Variants in GRID2 observed in about 807,000 individuals in gnomAD.
The protein encoded by GRID2 is glutamate receptor ionotropic, delta-2.
Under a neutral mutation model 114.8 loss-of-function variants are expected in GRID2, and 33 were observed. The ratio of observed to expected loss-of-function variants is 0.29; its 90% CI spans 0.22 to 0.38. GRID2 has a LOEUF of 0.38. Among genes scored for constraint, GRID2 ranks in the 10% least tolerant of loss-of-function variants. GRID2 has a pLI of 1.00. For synonymous variants in GRID2, 505 were observed against 449.9 expected, an observed-to-expected ratio of 1.12 and a Z score of -1.55; for missense variants, 1,184 against 1,257.7, an observed-to-expected ratio of 0.94 and a Z score of 0.89.
chr4:92,543,395 C>A (rs1297052918), intron 1 of GRID2, among the ~76,000 whole-genome samples: 1 of 152,028 alleles, frequency 6.6e-6, no homozygotes, highest in African/African-American at 2.4e-5. Context: ...ATAGTAAGTG[C>A]TAAGTTCTAT....
In GRID2 at chr4:93,597,810, C is replaced by T. The variant is rs138222479; in HGVS notation, c.2194-28459C>T. Among the ~76,000 whole-genome samples, 84 of 152,344 alleles carry T rather than the reference C, an allele frequency of 5.5e-4. 1 individual carries two copies. The highest frequency in any genetic ancestry group is 2.0e-3 in the African/African-American group (84 of 41,598). Reference sequence around the variant, plus strand: ...AATCCTTGCCTACATACCTACCTTACAACCAAATGTTAGTCACTTAGTTCC... The same window carrying T: ...AATCCTTGCCTACATACCTACCTTATAACCAAATGTTAGTCACTTAGTTCC... On this transcript the variant is annotated intron_variant, in intron 13 of 15. Coordinates refer to ENST00000282020, the MANE Select transcript of GRID2 (RefSeq NM_001510.4).
At chr4:92,746,913 A>G (rs1306304210) in intron 2 of GRID2, among the ~76,000 whole-genome samples, 1 of 152,082 alleles carries the variant, frequency 6.6e-6, no homozygotes, top group Non-Finnish European at 1.5e-5. Context: ...AGAAATCTTC[A>G]CCAATTAGGT....
At chr4:93,756,250 AT>A (rs1732738266) in intron 14 of GRID2, among the ~76,000 whole-genome samples, 2 of 152,214 alleles carry the variant, frequency 1.3e-5, no homozygotes, top group South Asian at 4.1e-4. Flanking sequence ...CAGAAGGAAC[AT>A]TCCAAAATTG....
intron 2 of GRID2, among the ~76,000 whole-genome samples, chr4:92,619,896 C>CT (rs1553908411): frequency 0.014 from 2,044 of 150,662 alleles, 21 homozygotes; most frequent in Non-Finnish European, 0.022. Flanking sequence ...TTACACATGC[C>CT]TTTTTTTTTC....
chr4:93,561,419 G>A (rs1398975412), intron 13 of GRID2, among the ~76,000 whole-genome samples: 7 of 152,028 alleles, frequency 4.6e-5, no homozygotes, highest in Non-Finnish European at 1.5e-5. Flanking sequence ...AAATTGAAAG[G>A]AAGGTATAGA....
intron 2 of GRID2, among the ~76,000 whole-genome samples, chr4:92,785,372 T>C (rs1306747765): frequency 6.6e-6 from 1 of 151,280 alleles, no homozygotes; most frequent in Non-Finnish European, 1.5e-5. Context: ...GCTCTCTAGC[T>C]TTTAATTTTT....
chr4:92,771,935 C>T (rs547091158), intron 2 of GRID2, among the ~76,000 whole-genome samples: 1 of 152,174 alleles, frequency 6.6e-6, no homozygotes, highest in African/African-American at 2.4e-5. Flanking sequence ...CAGGAAAATA[C>T]GTCTACTATT....
chr4:92,330,827 G>A (rs1051463796), intron 1 of GRID2, among the ~76,000 whole-genome samples: 1 of 152,024 alleles, frequency 6.6e-6, no homozygotes, highest in Non-Finnish European at 1.5e-5. Flanking sequence ...AGAGAAATTA[G>A]AATGTGAAAA....
chr4:93,789,799 A>G (rs1420026486), intron 1 of GRID2, among the ~76,000 whole-genome samples: 1 of 152,208 alleles, frequency 6.6e-6, no homozygotes, highest in African/African-American at 2.4e-5. Flanking sequence ...TTTAAGAAAT[A>G]TATGAACCTC....
chr4:93,510,714 A>C (rs1272839253), intron 12 of GRID2, among the ~76,000 whole-genome samples: 1 of 152,104 alleles, frequency 6.6e-6, no homozygotes, highest in Non-Finnish European at 1.5e-5. Flanking sequence ...CAGGGGGGAA[A>C]AATTCCACAA....
At chr4:93,565,107 C>T (rs1390060825) in intron 13 of GRID2, among the ~76,000 whole-genome samples, 2 of 151,540 alleles carry the variant, frequency 1.3e-5, no homozygotes, top group Non-Finnish European at 2.9e-5. Context: ...TAAATATTTC[C>T]TTACTAAAAG....
intron 9 of GRID2, among the ~76,000 whole-genome samples, chr4:93,420,095 A>G (rs992487013): frequency 4.6e-5 from 7 of 152,064 alleles, no homozygotes; most frequent in African/African-American, 1.7e-4. Context: ...ACTTCCAAAT[A>G]TTGGTAGAAG....
intron 2 of GRID2, among the ~76,000 whole-genome samples, chr4:92,756,115 G>T (rs1289098363): frequency 6.6e-6 from 1 of 151,988 alleles, no homozygotes; most frequent in Non-Finnish European, 1.5e-5. Flanking sequence ...TCCTTCCCAG[G>T]CTCTGGTAAC....
Position 92,500,377 on chromosome 4 carries a change from TAAA to T in GRID2, c.89-89753_89-89751del, listed in dbSNP as rs573315340. On this transcript the variant is annotated intron_variant, in intron 1 of 15. Coordinates refer to ENST00000282020, the MANE Select transcript of GRID2 (RefSeq NM_001510.4). The stretch of plus-strand genomic sequence containing the variant: ...CTGTTCTCAGTCTATCTACAAAAGT[TAAA>T]TTCTTTTAAAAAAAAACATATTTTT... Among the ~76,000 whole-genome samples, 1,149 of 151,968 alleles carry T rather than the reference TAAA, an allele frequency of 7.6e-3. 11 individuals carry two copies. The highest frequency in any genetic ancestry group is 0.025 in the African/African-American group (1,048 of 41,498).
At chr4:93,807,266 A>T (rs780291819) in exon 2 of GRID2, 7 of 152,190 alleles carry the variant, frequency 4.6e-5, no homozygotes, top group Non-Finnish European at 8.8e-5. Context: ...GGGTCTTAGG[A>T]CTTCTCATAG....
intron 2 of GRID2, among the ~76,000 whole-genome samples, chr4:92,696,230 C>G (rs1183691256): frequency 6.6e-6 from 1 of 152,106 alleles, no homozygotes; most frequent in African/African-American, 2.4e-5. Context: ...CAACTTATTT[C>G]AGAGCCTTGG....
intron 1 of GRID2, among the ~76,000 whole-genome samples, chr4:92,555,133 G>C (rs1726788693): frequency 6.6e-6 from 1 of 152,056 alleles, no homozygotes; most frequent in Admixed American, 6.6e-5. Flanking sequence ...AAATAAAAGA[G>C]GTTCTTGAAT....
chr4:92,875,830 T>G (rs1395217819), intron 2 of GRID2, among the ~76,000 whole-genome samples: 1 of 151,196 alleles, frequency 6.6e-6, no homozygotes, highest in Non-Finnish European at 1.5e-5. Flanking sequence ...AAAATGACTT[T>G]TTTTTGTCAA....
intron 6 of GRID2, among the ~76,000 whole-genome samples, chr4:93,217,955 G>C (rs1210449826): frequency 6.6e-6 from 1 of 151,774 alleles, no homozygotes; most frequent in Non-Finnish European, 1.5e-5. Flanking sequence ...AGTTTTAACA[G>C]TTTGGAAATA....
Sources: allele counts gnomAD v4.1 joint callset (sites outside exome capture counted in the v4.1 genomes callset), GRCh38; gene constraint gnomAD v4.1.1; transcripts MANE v1.5; gene names NCBI Gene and HGNC (gene_info 2026-07-23, HGNC 2026-07-21).